ZNF407: variants seen among roughly 807,000 people sequenced by gnomAD.
ZNF407 encodes the protein zinc finger protein 407.
A neutral mutation model predicts 131.2 loss-of-function variants in ZNF407; 17 were observed. The observed-to-expected ratio is 0.13, with a 90% CI of 0.09 to 0.19. ZNF407 has a LOEUF of 0.19. Among genes scored for constraint, ZNF407 ranks in the 10% least tolerant of loss-of-function variants. The pLI is 1.00. For synonymous variants in ZNF407, 1,156 were observed against 1,062.0 expected (o/e 1.09, Z -1.72); for missense variants, 2,681 against 2,830.6 (o/e 0.95, Z 1.20).
Position 75,063,071 on chromosome 18 carries a change from C to A in ZNF407, c.5429-79C>A. The A allele has an allele frequency of 7.6e-7, 1 of 1,323,362 alleles. No individual in the cohort carries two copies. Among genetic ancestry groups the A allele is most frequent in the Non-Finnish European group, 1.0e-6 (1 of 958,866 alleles). 82.0% of individuals were successfully genotyped at this position (1,323,362 alleles called of 1,614,324 possible). On this transcript the variant is annotated intron_variant, in intron 8 of 8. Transcript: ENST00000299687. The surrounding 1 kb of genome is among the most constrained non-coding windows in gnomAD (Gnocchi z 6.6). Reference sequence around the variant, plus strand: ...CGTGGTGACTCTGCTGAGGCCTGAGCGCTTCTGCAGAAGAAGTGTCTTACT... The same window carrying A: ...CGTGGTGACTCTGCTGAGGCCTGAGAGCTTCTGCAGAAGAAGTGTCTTACT...
At chr18:74,656,043 A>T (rs989911641) in intron 3 of ZNF407, among the ~76,000 whole-genome samples, 4 of 152,116 alleles carry the variant, frequency 2.6e-5, no homozygotes, top group Non-Finnish European at 4.4e-5. Flanking sequence ...TAATTTCTTG[A>T]AGACAAATGA....
chr18:75,055,925 AT>A (rs1290485130), intron 8 of ZNF407, among the ~76,000 whole-genome samples: 1 of 152,198 alleles, frequency 6.6e-6, no homozygotes, highest in East Asian at 1.9e-4. Flanking sequence ...ATGTGAAAGA[AT>A]TTTTCGGAAA....
intron 3 of ZNF407, among the ~76,000 whole-genome samples, chr18:74,755,741 C>CTTTCTT (rs1555684081): frequency 9.0e-6 from 1 of 111,330 alleles, no homozygotes; most frequent in Non-Finnish European, 1.7e-5. Flanking sequence ...TTCTTTCTTT[C>CTTTCTT]TTTCTTTCTT....
intron 3 of ZNF407, among the ~76,000 whole-genome samples, chr18:74,696,692 A>T (rs1198226900): frequency 6.6e-6 from 1 of 152,176 alleles, no homozygotes; most frequent in East Asian, 1.9e-4. Context: ...GTATGTATGT[A>T]TGTATTTTAT....
chr18:74,976,005 T>G (rs1343322137), intron 8 of ZNF407, among the ~76,000 whole-genome samples: 1 of 152,228 alleles, frequency 6.6e-6, no homozygotes, highest in Non-Finnish European at 1.5e-5. Flanking sequence ...TGTATTTTAA[T>G]TAACTAAATT....
intron 8 of ZNF407, among the ~76,000 whole-genome samples, chr18:74,924,803 G>T (rs1971891495): frequency 6.6e-6 from 1 of 152,138 alleles, no homozygotes; most frequent in African/African-American, 2.4e-5. Context: ...AGAAGAAAGA[G>T]ATGTTTTTTT....
Position 75,064,763 on chromosome 18 carries a change from G to A in ZNF407, c.*295G>A, listed in dbSNP as rs1176609209. On this transcript the variant is annotated 3_prime_UTR_variant, in exon 9 of 9. Transcript: ENST00000299687. Reference sequence around the variant, plus strand: ...CCTTCGATCAGTGGCCTCCCGCTTCGTCCTGGCCGCTGTGCTGAAGAGAAG... The same window carrying A: ...CCTTCGATCAGTGGCCTCCCGCTTCATCCTGGCCGCTGTGCTGAAGAGAAG... 5 of 328,422 alleles carry A rather than the reference G, an allele frequency of 1.5e-5. No individual in the cohort carries two copies. The highest frequency in any genetic ancestry group is 4.2e-5 in the African/African-American group (2 of 47,880). 20.3% of individuals were successfully genotyped at this position (328,422 alleles called of 1,614,324 possible).
At chr18:74,817,854 GT>G (rs1333108287) in intron 4 of ZNF407, among the ~76,000 whole-genome samples, 5 of 152,076 alleles carry the variant, frequency 3.3e-5, no homozygotes, top group Admixed American at 3.3e-4. Context: ...ACCATGAGGT[GT>G]TTTTTTGTGG....
intron 4 of ZNF407, among the ~76,000 whole-genome samples, chr18:74,825,768 A>G (rs530414572): frequency 6.6e-6 from 1 of 152,332 alleles, no homozygotes; most frequent in African/African-American, 2.4e-5. Flanking sequence ...CCTTCTTAGC[A>G]TTAGCTAACA....
intron 3 of ZNF407, among the ~76,000 whole-genome samples, chr18:74,745,428 A>G (rs939183884): frequency 2.6e-5 from 4 of 152,184 alleles, no homozygotes; most frequent in Non-Finnish European, 5.9e-5. Flanking sequence ...TCAGATGTGA[A>G]GGATTTGGAA....
chr18:74,751,555 A>T (rs1968803415), intron 3 of ZNF407, among the ~76,000 whole-genome samples: 1 of 150,142 alleles, frequency 6.7e-6, no homozygotes, highest in Non-Finnish European at 1.5e-5. Flanking sequence ...CCCATGTGTG[A>T]TGTTCCCCAC....
At chr18:74,641,218 C>T (rs1341951200) in intron 3 of ZNF407, 96 bp downstream of exon 3, 3 of 892,408 alleles carry the variant, frequency 3.4e-6, no homozygotes, top group South Asian at 1.4e-5. Context: ...GTAAGAGTGG[C>T]TAAAATTATG....
intron 4 of ZNF407, among the ~76,000 whole-genome samples, chr18:74,788,666 T>C (rs1969768092): frequency 6.6e-6 from 1 of 150,458 alleles, no homozygotes; most frequent in Non-Finnish European, 1.5e-5. Flanking sequence ...GAAATTATCA[T>C]GCTAGAGGTA....
At chr18:74,640,003 T>C (rs922911371) in intron 2 of ZNF407, among the ~76,000 whole-genome samples, 2 of 152,130 alleles carry the variant, frequency 1.3e-5, no homozygotes, top group African/African-American at 4.8e-5. Context: ...TATCTAACTA[T>C]AGTAGAGGGA....
rs72975440 is a variant in ZNF407, at chr18:74,829,257, G to A, written c.4877+47755G>A. Among the ~76,000 whole-genome samples, 812 of 152,306 alleles carry A rather than the reference G, an allele frequency of 5.3e-3. 9 individuals are homozygous for A. The highest frequency in any genetic ancestry group is 6.1e-3 in the Non-Finnish European group (414 of 68,018). On this transcript the variant is annotated intron_variant, in intron 4 of 8. Coordinates refer to ENST00000299687, the MANE Select transcript of ZNF407 (RefSeq NM_017757.3). ...TTTTTGCTTTATGCTTTTCTGAGTA[G>A]CCTGTAGTCAGAATGCACTGTTTAG...
intron 1 of ZNF407, among the ~76,000 whole-genome samples, chr18:74,618,651 A>G (rs1983408686): frequency 6.6e-6 from 1 of 152,190 alleles, no homozygotes; most frequent in African/African-American, 2.4e-5. Flanking sequence ...GATGTTTTTT[A>G]AAGCTTCCCA....
chr18:74,950,776 A>T (rs1972204982), intron 8 of ZNF407, among the ~76,000 whole-genome samples: 1 of 152,226 alleles, frequency 6.6e-6, no homozygotes, highest in Non-Finnish European at 1.5e-5. Flanking sequence ...TTTCTTGCTA[A>T]TGGGAATACT....
At chr18:74,891,767 C>T (rs955293886) in intron 7 of ZNF407, among the ~76,000 whole-genome samples, 1 of 152,122 alleles carries the variant, frequency 6.6e-6, no homozygotes, top group African/African-American at 2.4e-5. Context: ...TCTTGTAAAA[C>T]ACAGAAAAGC....
intron 8 of ZNF407, among the ~76,000 whole-genome samples, chr18:74,937,821 G>A (rs755932833): frequency 2.2e-4 from 33 of 152,102 alleles, no homozygotes; most frequent in Non-Finnish European, 3.7e-4. Flanking sequence ...TGAACATTAA[G>A]TTTTAAAAAA....
Sources: allele counts gnomAD v4.1 joint callset (sites outside exome capture counted in the v4.1 genomes callset), GRCh38; gene constraint gnomAD v4.1.1; non-coding constraint Gnocchi (gnomAD v3.1); transcripts MANE v1.5; gene names NCBI Gene and HGNC (gene_info 2026-07-23, HGNC 2026-07-21).